DCDC1: variants seen among roughly 807,000 people sequenced by gnomAD.
DCDC1 encodes the protein doublecortin domain-containing protein 1.
In DCDC1, 200 loss-of-function variants were observed where a neutral mutation model predicts 178.3. The ratio of observed to expected loss-of-function variants is 1.12; its 90% CI spans 1.00 to 1.26. DCDC1 has a LOEUF of 1.26. Ranked by LOEUF, DCDC1 falls within the 50% of genes most tolerant of loss-of-function variation. The pLI is 0.00. For synonymous variants in DCDC1, 690 were observed against 604.8 expected, an observed-to-expected ratio of 1.14 and a Z score of -2.07; for missense variants, 1,983 against 1,749.2, an observed-to-expected ratio of 1.13 and a Z score of -2.38.
chr11:31,063,700 T>C (rs1032706460), intron 20 of DCDC1, among the ~76,000 whole-genome samples: 2 of 152,034 alleles, frequency 1.3e-5, no homozygotes, highest in African/African-American at 4.8e-5. Flanking sequence ...GCAATATAGC[T>C]AGACCCCATT....
chr11:31,201,521 T>G (rs545972137), intron 9 of DCDC1, among the ~76,000 whole-genome samples: 2 of 152,076 alleles, frequency 1.3e-5, no homozygotes, highest in East Asian at 1.9e-4. Context: ...GTACTCAGAA[T>G]AGCTTCTTAA....
chr11:31,101,558 ACTC>A, intron 15 of DCDC1, among the ~76,000 whole-genome samples: 1 of 152,206 alleles, frequency 6.6e-6, no homozygotes, highest in Non-Finnish European at 1.5e-5. Flanking sequence ...TCCTTAAATA[ACTC>A]CAACTTATTA....
chr11:31,010,434 T>C (rs61878165), intron 20 of DCDC1, among the ~76,000 whole-genome samples: 3,187 of 152,356 alleles, frequency 0.021, 52 homozygotes, highest in Non-Finnish European at 0.03. Flanking sequence ...CGCAGGCAGT[T>C]CACATTATAG....
intron 9 of DCDC1, among the ~76,000 whole-genome samples, chr11:31,164,944 T>C (rs1360971027): frequency 6.6e-6 from 1 of 152,204 alleles, no homozygotes; most frequent in Admixed American, 6.5e-5. Context: ...AAACCTTTTC[T>C]ATCATGTTTT....
At chr11:30,915,733 T>C in intron 26 of DCDC1, 22 bp from the exon 27 acceptor site, 1 of 1,596,666 alleles carries the variant, frequency 6.3e-7, no homozygotes, top group East Asian at 2.3e-5. Context: ...AAATCTCTAT[T>C]AGTGGCAGAA....
At chr11:31,079,285 AGG>A (rs1957040388) in intron 17 of DCDC1, among the ~76,000 whole-genome samples, 1 of 152,212 alleles carries the variant, frequency 6.6e-6, no homozygotes, top group African/African-American at 2.4e-5. Flanking sequence ...TCCATGTGCC[AGG>A]AGGGTGGTGC....
chr11:30,888,952 C>T (rs1943546954), intron 36 of DCDC1, among the ~76,000 whole-genome samples: 1 of 152,202 alleles, frequency 6.6e-6, no homozygotes, highest in African/African-American at 2.4e-5. Context: ...GGCACATGGG[C>T]ATCATGGAAC....
chr11:31,012,737 G>T (rs1952249085), intron 20 of DCDC1, among the ~76,000 whole-genome samples: 2 of 152,078 alleles, frequency 1.3e-5, no homozygotes, highest in African/African-American at 4.8e-5. Context: ...AGAGATCAAT[G>T]TATAACCATA....
chr11:31,157,121 C>T, intron 9 of DCDC1, among the ~76,000 whole-genome samples: 1 of 151,712 alleles, frequency 6.6e-6, no homozygotes, highest in East Asian at 1.9e-4. Flanking sequence ...GCTCACATCT[C>T]TAATCCTGGC....
At chr11:31,129,566 A>C (rs546501360) in intron 10 of DCDC1, among the ~76,000 whole-genome samples, 17 of 151,642 alleles carry the variant, frequency 1.1e-4, no homozygotes, top group African/African-American at 3.9e-4. Flanking sequence ...CTTTATTTAC[A>C]AAAAAAAATA....
At chr11:31,169,718 G>T (rs1966975927) in intron 9 of DCDC1, among the ~76,000 whole-genome samples, 1 of 152,156 alleles carries the variant, frequency 6.6e-6, no homozygotes, top group African/African-American at 2.4e-5. Context: ...TGAGTTTGTG[G>T]TATAGTTAGG....
chr11:31,328,971 T>A (rs1168549627), intron 2 of DCDC1, among the ~76,000 whole-genome samples: 2 of 143,128 alleles, frequency 1.4e-5, no homozygotes. Flanking sequence ...TTTTTTTTTT[T>A]TTTGTCTGTC....
At chr11:31,135,023 T>G (rs1962952155) in intron 10 of DCDC1, among the ~76,000 whole-genome samples, 1 of 152,098 alleles carries the variant, frequency 6.6e-6, no homozygotes, top group Non-Finnish European at 1.5e-5. Context: ...TAAAAAAATT[T>G]TAAAAAAGCT....
intron 17 of DCDC1, among the ~76,000 whole-genome samples, chr11:31,081,993 T>C (rs552261724): frequency 2.0e-5 from 3 of 152,302 alleles, no homozygotes; most frequent in African/African-American, 7.2e-5. Context: ...AAAAATCAAA[T>C]TTAGATCCAA....
chr11:31,038,412 C>T (rs1020853987), intron 20 of DCDC1, among the ~76,000 whole-genome samples: 1 of 151,964 alleles, frequency 6.6e-6, no homozygotes, highest in African/African-American at 2.4e-5. Context: ...GATTCCTTGG[C>T]GTAACTTCAA....
chr11:31,022,387 C>A (rs1382757196), intron 20 of DCDC1, among the ~76,000 whole-genome samples: 1 of 152,012 alleles, frequency 6.6e-6, no homozygotes, highest in Non-Finnish European at 1.5e-5. Flanking sequence ...TCAAAGGACA[C>A]CAGTCGTATT....
intron 1 of DCDC1, among the ~76,000 whole-genome samples, chr11:31,365,628 T>C (rs925336308): frequency 1.3e-5 from 2 of 152,170 alleles, no homozygotes; most frequent in Non-Finnish European, 2.9e-5. Context: ...GACGTTAGTT[T>C]ACGGGCAGGC....
At chr11:31,038,008 T>C (rs1010791261) in intron 20 of DCDC1, among the ~76,000 whole-genome samples, 2 of 145,472 alleles carry the variant, frequency 1.4e-5, no homozygotes, top group African/African-American at 5.1e-5. Context: ...GTCCTTGCAA[T>C]AGTTTGCTGA....
chr11:30,888,120 AAGAAAG>A, intron 36 of DCDC1, among the ~76,000 whole-genome samples: 1 of 145,374 alleles, frequency 6.9e-6, no homozygotes, highest in Non-Finnish European at 1.5e-5. Context: ...GAAAGAAAGA[AAGAAAG>A]AAAGAAAGAA....
Sources: allele counts gnomAD v4.1 joint callset (sites outside exome capture counted in the v4.1 genomes callset), GRCh38; gene constraint gnomAD v4.1.1; transcripts MANE v1.5; gene names NCBI Gene and HGNC (gene_info 2026-07-23, HGNC 2026-07-21).